ATP6V1A: variants seen among roughly 807,000 people sequenced by gnomAD.
The protein encoded by ATP6V1A is ATPase H+ transporting V1 subunit A, also known as V-type proton ATPase catalytic subunit A.
A neutral mutation model predicts 70.1 loss-of-function variants in ATP6V1A; 18 were observed. That is an observed-to-expected ratio of 0.26 (90% CI 0.18 to 0.38). The LOEUF (loss-of-function observed/expected upper bound fraction) is 0.38, where lower values mean the gene tolerates loss of function less well. ATP6V1A is among the 10% of genes least tolerant of loss of function. ATP6V1A has a pLI of 1.00. For missense variants in ATP6V1A, 424 were observed against 772.4 expected (o/e 0.55, Z 5.35); for synonymous variants, 232 against 253.8 (o/e 0.91, Z 0.82).
chr3:113,784,955 A>C, intron 5 of ATP6V1A, 122 bp downstream of exon 5: 1 of 1,070,154 alleles, frequency 9.3e-7, no homozygotes, highest in Non-Finnish European at 1.3e-6. Context: ...AGTAACTCCT[A>C]TAATTTTTGA....
At chr3:113,778,033 G>A (rs1708936067) in intron 1 of ATP6V1A, among the ~76,000 whole-genome samples, 1 of 152,150 alleles carries the variant, frequency 6.6e-6, no homozygotes, top group Non-Finnish European at 1.5e-5. Flanking sequence ...ACCTCACATA[G>A]AGATATAATT....
At chr3:113,792,562 C>T (rs1577092797) in intron 8 of ATP6V1A, among the ~76,000 whole-genome samples, 1 of 152,196 alleles carries the variant, frequency 6.6e-6, no homozygotes, top group African/African-American at 2.4e-5. Flanking sequence ...TGGGCAACTT[C>T]TAGCCTCAAG....
intron 11 of ATP6V1A, among the ~76,000 whole-genome samples, chr3:113,797,475 C>G (rs573701123): frequency 7.8e-6 from 1 of 127,978 alleles, no homozygotes; most frequent in Non-Finnish European, 1.7e-5. Flanking sequence ...AGGCTGGTCT[C>G]GAACTCCTGA....
Position 113,798,154 on chromosome 3 carries a change from G to A in ATP6V1A, c.1291-89G>A, listed in dbSNP as rs1559759891. The A allele has an allele frequency of 4.3e-6, 6 of 1,408,390 alleles. No homozygotes were observed. The South Asian group carries it at 4.8e-5, about 11-fold the overall frequency. 87.2% of individuals were successfully genotyped at this position (1,408,390 alleles called of 1,614,324 possible). ...TCTCAAAAACAAAAAAAAAAGAATTGCATAGTTGGGACAAACATGCTTCGG... is the reference window on the plus strand; with the variant it reads ...TCTCAAAAACAAAAAAAAAAGAATTACATAGTTGGGACAAACATGCTTCGG... On this transcript the variant is annotated intron_variant, in intron 11 of 14. Coordinates refer to ENST00000273398, the MANE Select transcript of ATP6V1A (RefSeq NM_001690.4).
intron 1 of ATP6V1A, among the ~76,000 whole-genome samples, chr3:113,767,836 A>G (rs527672505): frequency 3.3e-5 from 5 of 152,126 alleles, no homozygotes; most frequent in Non-Finnish European, 7.3e-5. Flanking sequence ...TATTTTTAGT[A>G]GAGAGAGGGT....
chr3:113,771,822 A>G (rs1397640058), intron 1 of ATP6V1A, among the ~76,000 whole-genome samples: 1 of 152,126 alleles, frequency 6.6e-6, no homozygotes, highest in Admixed American at 6.6e-5. Flanking sequence ...TTCTTATAAA[A>G]TTTATTGTAT....
At chr3:113,786,146 C>T (rs1709037662) in intron 5 of ATP6V1A, 86 bp from the exon 6 acceptor site, 1 of 1,320,154 alleles carries the variant, frequency 7.6e-7, no homozygotes, top group South Asian at 1.6e-5. Context: ...ACCTTCCTAA[C>T]CCCAAGGAGA....
rs1339621577 is a variant in ATP6V1A at position 113,808,145 on chromosome 3, CAAAG to C, written c.1762-1186_1762-1183del. ...AACTCTGTCTGAAAAAAAAAAAAAA[CAAAG>C]AAAAGAAAAGAAAATTTCCAGTTAT... On this transcript the variant is annotated intron_variant, in intron 14 of 14. Transcript: ENST00000273398. Among the ~76,000 whole-genome samples the C allele has an allele frequency of 2.9e-4, 42 of 146,594 alleles. 1 individual carries two copies. The highest frequency in any genetic ancestry group is 1.2e-3 in the East Asian group (6 of 4,956).
chr3:113,789,850 T>C lies in ATP6V1A; in HGVS notation c.988+10T>C, dbSNP rs746957016. On this transcript the variant is annotated intron_variant, in intron 8 of 14. Coordinates refer to ENST00000273398, the MANE Select transcript of ATP6V1A (RefSeq NM_001690.4). ...GCCTCTATTTATACTGGTGAGTATA[T>C]AATTGGAATAAAAGCAGTTAACATC... 6 of 1,557,080 alleles carry C rather than the reference T, an allele frequency of 3.9e-6. No homozygotes were observed. Among genetic ancestry groups the C allele is most frequent in the South Asian group, 1.1e-5 (1 of 89,758 alleles).
At chr3:113,804,555 C>G (rs560479398) in intron 13 of ATP6V1A, among the ~76,000 whole-genome samples, 74 of 152,070 alleles carry the variant, frequency 4.9e-4, no homozygotes, top group Non-Finnish European at 9.3e-4. Context: ...TCATATTTGG[C>G]CCCATATAAG....
chr3:113,759,190 C>T (rs142173024), intron 1 of ATP6V1A, among the ~76,000 whole-genome samples: 5 of 151,306 alleles, frequency 3.3e-5, no homozygotes, highest in East Asian at 1.9e-4. Flanking sequence ...GTGCTTTTAG[C>T]GTTATGTCAA....
At position 113,784,604 on chromosome 3, in the gene ATP6V1A, A is replaced by G. The variant is rs1422745622; in HGVS notation, c.427-92A>G. 55 of 1,492,286 alleles carry G rather than the reference A, an allele frequency of 3.7e-5. No homozygotes were observed. The South Asian group carries it at 4.5e-4, about 12-fold the overall frequency. 92.4% of individuals were successfully genotyped at this position (1,492,286 alleles called of 1,614,324 possible). A position where few individuals can be genotyped will look rare whatever the true frequency, so the allele number is the denominator to read the frequency against. On this transcript the variant is annotated intron_variant, in intron 4 of 14. Transcript: ENST00000273398. Reference sequence around the variant, plus strand: ...GGATTTTAGAACTAATGTTTTATTGATAAGTCAGGTAATTGATTTAAATTA... The same window carrying G: ...GGATTTTAGAACTAATGTTTTATTGGTAAGTCAGGTAATTGATTTAAATTA...
chr3:113,807,630 A>G (rs1041351755), intron 14 of ATP6V1A, among the ~76,000 whole-genome samples: 1 of 152,314 alleles, frequency 6.6e-6, no homozygotes, highest in South Asian at 2.1e-4. Context: ...AAAAACTTCC[A>G]TATGTAACTT....
chr3:113,807,201 A>G (rs1709284912), intron 14 of ATP6V1A, among the ~76,000 whole-genome samples: 1 of 131,260 alleles, frequency 7.6e-6, no homozygotes, highest in South Asian at 2.6e-4. Flanking sequence ...TTTTTTTGAG[A>G]TGGAGTCTTG....
At chr3:113,781,998 A>G (rs1053524296) in intron 3 of ATP6V1A, among the ~76,000 whole-genome samples, 2 of 152,168 alleles carry the variant, frequency 1.3e-5, no homozygotes, top group Non-Finnish European at 2.9e-5. Flanking sequence ...TTTATTTTCA[A>G]TTTTCTATGA....
chr3:113,771,092 CAAA>C (rs772702527), intron 1 of ATP6V1A, among the ~76,000 whole-genome samples: 1 of 119,148 alleles, frequency 8.4e-6, no homozygotes. Context: ...GAGACTCCAT[CAAA>C]AAAAAAAAAA....
intron 1 of ATP6V1A, among the ~76,000 whole-genome samples, chr3:113,767,725 C>CGCT (rs1708790222): frequency 6.6e-6 from 1 of 151,956 alleles, no homozygotes; most frequent in African/African-American, 2.4e-5. Context: ...AATCTCAGCT[C>CGCT]GCTGCAACCT....
intron 6 of ATP6V1A, 126 bp from the exon 7 acceptor site, chr3:113,788,586 TC>T: frequency 2.7e-6 from 2 of 732,988 alleles, no homozygotes; most frequent in Non-Finnish European, 4.3e-6. Context: ...CTTCAGATGA[TC>T]CACCCGCTTC....
intron 8 of ATP6V1A, among the ~76,000 whole-genome samples, chr3:113,792,289 A>G (rs1709104010): frequency 6.6e-6 from 1 of 151,932 alleles, no homozygotes; most frequent in African/African-American, 2.4e-5. Flanking sequence ...ATCCTTAAAC[A>G]TATATTTTTA....
Sources: allele counts gnomAD v4.1 joint callset (sites outside exome capture counted in the v4.1 genomes callset), GRCh38; gene constraint gnomAD v4.1.1; transcripts MANE v1.5; gene names NCBI Gene and HGNC (gene_info 2026-07-23, HGNC 2026-07-21).